TLE4: variants seen among roughly 807,000 people sequenced by gnomAD.
The protein encoded by TLE4 is transducin-like enhancer protein 4.
TLE4 carries 8 observed loss-of-function variants against 92.8 expected under a neutral mutation model. That is an observed-to-expected ratio of 0.09 (90% CI 0.05 to 0.16). The LOEUF is 0.16. TLE4 is among the 10% of genes least tolerant of loss of function. The pLI is 1.00. For missense variants in TLE4, 675 were observed against 997.6 expected (o/e 0.68, Z 4.36); for synonymous variants, 371 against 374.1 (o/e 0.99, Z 0.10).
rs537255048 is a variant in TLE4 at position 79,686,015 on chromosome 9, G to A, written c.610-18768G>A. Among the ~76,000 whole-genome samples, 9 of 152,202 alleles carry A rather than the reference G, an allele frequency of 5.9e-5. No individual in the cohort carries two copies. The South Asian group carries it at 1.9e-3, about 32-fold the overall frequency. On this transcript the variant is annotated intron_variant, in intron 8 of 19. Transcript: ENST00000376552. ...AAAAGTTCAAATAAAAATACAGCATGTACATTATATTATAAATAATAGAGA... is the reference window on the plus strand; with the variant it reads ...AAAAGTTCAAATAAAAATACAGCATATACATTATATTATAAATAATAGAGA...
chr9:79,599,820 G>A (rs1244554129), intron 4 of TLE4, among the ~76,000 whole-genome samples: 2 of 152,116 alleles, frequency 1.3e-5, no homozygotes, highest in African/African-American at 2.4e-5. Context: ...CCCTGATCAT[G>A]TCATCCAAAT....
intron 5 of TLE4, among the ~76,000 whole-genome samples, chr9:79,621,382 T>C (rs1431197919): frequency 6.6e-6 from 1 of 152,116 alleles, no homozygotes; most frequent in Admixed American, 6.5e-5. Context: ...CTAGAAGAGA[T>C]AAAATTGAGA....
At chr9:79,657,592 C>T (rs968073105) in intron 8 of TLE4, among the ~76,000 whole-genome samples, 7 of 152,080 alleles carry the variant, frequency 4.6e-5, no homozygotes, top group South Asian at 2.1e-4. Flanking sequence ...CAGACTGAAC[C>T]AGTGCTATTA....
At chr9:79,718,129 T>A (rs750496441) in intron 14 of TLE4, 1 of 455,540 alleles carries the variant, frequency 2.2e-6, no homozygotes, top group Admixed American at 2.4e-5. Context: ...TTGGATTGAC[T>A]AGGATTTGTG....
At position 79,617,974 on chromosome 9, in the gene TLE4, G is replaced by A. The variant is rs561240048; in HGVS notation, c.315+5256G>A. Among the ~76,000 whole-genome samples the A allele has an allele frequency of 6.6e-5, 10 of 152,302 alleles. No individual in the cohort carries two copies. In the South Asian group the frequency reaches 1.7e-3, roughly 25 times the overall value. On this transcript the variant is annotated intron_variant, in intron 5 of 19. Coordinates refer to ENST00000376552, the MANE Select transcript of TLE4 (RefSeq NM_007005.6). ...ACGTTCATCATCCTTGCACCATTGT[G>A]TCTTGCCCCAGCGTCAGCTGGCAGG...
intron 6 of TLE4, among the ~76,000 whole-genome samples, chr9:79,641,798 G>A (rs2057195180): frequency 6.6e-6 from 1 of 152,134 alleles, no homozygotes; most frequent in South Asian, 2.1e-4. Flanking sequence ...AGGGGCTTGT[G>A]CTCCATTTCT....
chr9:79,723,790 G>A (rs892342835), intron 19 of TLE4, among the ~76,000 whole-genome samples: 8 of 152,172 alleles, frequency 5.3e-5, no homozygotes, highest in African/African-American at 9.7e-5. Flanking sequence ...AAGATAATCA[G>A]TAGGACAAAA....
At chr9:79,601,139 G>C (rs2045550020) in intron 4 of TLE4, among the ~76,000 whole-genome samples, 1 of 152,100 alleles carries the variant, frequency 6.6e-6, no homozygotes, top group Non-Finnish European at 1.5e-5. Flanking sequence ...TTTTGCCAAG[G>C]TTTCAGATAG....
chr9:79,573,403 C>A (rs754737819), intron 1 of TLE4: 3 of 1,200,172 alleles, frequency 2.5e-6, no homozygotes, highest in Non-Finnish European at 3.2e-6. Context: ...GCGCGGGTCC[C>A]TGGGTGCCTG....
intron 6 of TLE4, among the ~76,000 whole-genome samples, chr9:79,632,539 A>G (rs1376494652): frequency 6.6e-6 from 1 of 152,156 alleles, no homozygotes; most frequent in African/African-American, 2.4e-5. Flanking sequence ...CAGTGTAGGT[A>G]GGTAATTGTA....
rs187620127 is a variant in TLE4, at chr9:79,671,491, A to G, written c.609+17416A>G. On this transcript the variant is annotated intron_variant, in intron 8 of 19. Coordinates refer to ENST00000376552, the MANE Select transcript of TLE4 (RefSeq NM_007005.6). ...CCCTCCAGTGTTGTAAACCATAACA[A>G]TTCTGGCATTCCTCTAATTGTGTGG... 3.4e-5 allele frequency: 10 copies of G among 294,594 alleles called. No individual in the cohort carries two copies. In the East Asian group the frequency reaches 5.4e-4, roughly 16 times the overall value. The allele number at this position is 294,594 out of a possible 1,614,324, so 18.2% of individuals were successfully genotyped here.
At chr9:79,580,979 G>A (rs1288544434) in intron 4 of TLE4, among the ~76,000 whole-genome samples, 1 of 152,148 alleles carries the variant, frequency 6.6e-6, no homozygotes, top group Non-Finnish European at 1.5e-5. Context: ...AAGACTATGT[G>A]TGTGGGGGTG....
At chr9:79,721,523 G>T (rs2075642697) in intron 16 of TLE4, among the ~76,000 whole-genome samples, 1 of 152,034 alleles carries the variant, frequency 6.6e-6, no homozygotes, top group Non-Finnish European at 1.5e-5. Flanking sequence ...AGTAATTTGA[G>T]GAATTCCTAA....
chr9:79,652,347 C>T (rs908052085), intron 6 of TLE4, among the ~76,000 whole-genome samples: 20 of 152,074 alleles, frequency 1.3e-4, no homozygotes, highest in African/African-American at 3.1e-4. Flanking sequence ...CCACCACACC[C>T]GGCTAATGTT....
chr9:79,595,168 C>T (rs7031876), intron 4 of TLE4, among the ~76,000 whole-genome samples: 15,865 of 152,134 alleles, frequency 0.1, 925 homozygotes, highest in African/African-American at 0.14. Context: ...TTAAGGAATG[C>T]TCCATTTCTT....
At chr9:79,724,557 A>T (rs569447045) in intron 19 of TLE4, among the ~76,000 whole-genome samples, 1 of 152,062 alleles carries the variant, frequency 6.6e-6, no homozygotes, top group Non-Finnish European at 1.5e-5. Context: ...CCATTTTAAG[A>T]AAGTGCCACG....
At chr9:79,635,154 G>C (rs999317247) in intron 6 of TLE4, among the ~76,000 whole-genome samples, 4 of 152,068 alleles carry the variant, frequency 2.6e-5, no homozygotes, top group African/African-American at 9.7e-5. Flanking sequence ...GTTTTGGGGA[G>C]GTTATTTTAG....
intron 4 of TLE4, among the ~76,000 whole-genome samples, chr9:79,595,453 A>G (rs2043713566): frequency 6.6e-6 from 1 of 152,240 alleles, no homozygotes; most frequent in Non-Finnish European, 1.5e-5. Flanking sequence ...CCATTGAACT[A>G]AACGTAGTTA....
intron 4 of TLE4, among the ~76,000 whole-genome samples, chr9:79,608,984 C>T (rs1157980542): frequency 1.3e-5 from 2 of 151,936 alleles, no homozygotes; most frequent in Admixed American, 1.3e-4. Flanking sequence ...ATAGGGTTAA[C>T]TAAGTTTTTG....
Sources: allele counts gnomAD v4.1 joint callset (sites outside exome capture counted in the v4.1 genomes callset), GRCh38; gene constraint gnomAD v4.1.1; transcripts MANE v1.5; gene names NCBI Gene and HGNC (gene_info 2026-07-23, HGNC 2026-07-21).